DNAJC5: variants seen among roughly 807,000 people sequenced by gnomAD.
DNAJC5 encodes DnaJ heat shock protein family (Hsp40) member C5.
Under a neutral mutation model 23.2 loss-of-function variants are expected in DNAJC5, and 1 was observed. The observed-to-expected ratio is 0.04, with a 90% CI of 0.02 to 0.20. The LOEUF is 0.20. Ranked by LOEUF, DNAJC5 falls within the 10% of genes least tolerant of loss-of-function variation. The pLI, the probability that DNAJC5 is intolerant of heterozygous loss-of-function variation, is 1.00. For missense variants in DNAJC5, 180 were observed against 267.0 expected (o/e 0.67, Z 2.27); for synonymous variants, 136 against 120.0 (o/e 1.13, Z -0.87).
intron 1 of DNAJC5, among the ~76,000 whole-genome samples, chr20:63,902,693 T>G (rs1311742736): frequency 6.9e-6 from 1 of 145,270 alleles, no homozygotes; most frequent in East Asian, 2.0e-4. Context: ...TTTTTTTTTT[T>G]GAGACAGAGT....
At chr20:63,925,481 C>T (rs2053605288) in intron 1 of DNAJC5, among the ~76,000 whole-genome samples, 1 of 149,282 alleles carries the variant, frequency 6.7e-6, no homozygotes, top group African/African-American at 2.5e-5. Flanking sequence ...GAGACTCCAC[C>T]TCAAAAATAA....
chr20:63,899,804 A>G (rs1448618206), intron 1 of DNAJC5, among the ~76,000 whole-genome samples: 1 of 149,296 alleles, frequency 6.7e-6, no homozygotes, highest in Non-Finnish European at 1.5e-5. Context: ...GATGGTCTCG[A>G]TCTCCTGACC....
Position 63,934,439 on chromosome 20 carries a change from T to TG in DNAJC5, c.*2876dup, listed in dbSNP as rs2053700656. The stretch of plus-strand genomic sequence containing the variant: ...AGAATGTCCCTTTGGACGCCGCTGC[T>TG]GGGGGCTGCCAGGGGCCCTCTGGGG... On this transcript the variant is annotated 3_prime_UTR_variant, in exon 5 of 5. Coordinates refer to ENST00000360864, the MANE Select transcript of DNAJC5 (RefSeq NM_025219.3). 6.6e-6 allele frequency: 1 copy of TG among 152,284 alleles called. No homozygotes were observed. The highest frequency in any genetic ancestry group is 2.1e-4 in the South Asian group (1 of 4,830). The allele number at this position is 152,284 out of a possible 1,614,324, so 9.4% of individuals were successfully genotyped here. A position where few individuals can be genotyped will look rare whatever the true frequency, so the allele number is the denominator to read the frequency against.
intron 1 of DNAJC5, among the ~76,000 whole-genome samples, chr20:63,898,022 T>G (rs2053385892): frequency 6.6e-6 from 1 of 152,206 alleles, no homozygotes; most frequent in Non-Finnish European, 1.5e-5. Context: ...CCACTGAGCC[T>G]GGTTGTACAG....
rs1355753536 is a variant in DNAJC5, at chr20:63,895,165, G to GCCGCTGCCGGTGCCGCAC, written c.-165_-148dup. On this transcript the variant is annotated 5_prime_UTR_variant, in exon 1 of 5. Transcript: ENST00000360864. ...GCTCGTCTCCGCTGCCGCTGCCGCT[G>GCCGCTGCCGGTGCCGCAC]CCGCTGCCGGTGCCGCACCCGCGCC... 2.6e-5 allele frequency: 4 copies of GCCGCTGCCGGTGCCGCAC among 154,166 alleles called. No individual in the cohort carries two copies. Among genetic ancestry groups the GCCGCTGCCGGTGCCGCAC allele is most frequent in the Admixed American group, 1.3e-4 (2 of 15,170 alleles). The allele number at this position is 154,166 out of a possible 1,614,324, so 9.5% of individuals were successfully genotyped here. A position where few individuals can be genotyped will look rare whatever the true frequency, so the allele number is the denominator to read the frequency against.
At chr20:63,922,589 T>C (rs1371997480) in intron 1 of DNAJC5, among the ~76,000 whole-genome samples, 1 of 151,436 alleles carries the variant, frequency 6.6e-6, no homozygotes, top group Non-Finnish European at 1.5e-5. Flanking sequence ...CTGAGCAACA[T>C]AGACCCCGTC....
rs1460731523 is a variant in DNAJC5 at position 63,920,672 on chromosome 20, A to T, written c.-11-7663A>T. On this transcript the variant is annotated intron_variant, in intron 1 of 4. Coordinates refer to ENST00000360864, the MANE Select transcript of DNAJC5 (RefSeq NM_025219.3). This position sits in a 1 kb window ranked among gnomAD's most constrained non-coding sequence, Gnocchi z 4.6. Reference sequence around the variant, plus strand: ...CCTTTTTGTTTGCTTTTAATTTTTAATTTTTATTTATTTATTTATTTTTGA... The same window carrying T: ...CCTTTTTGTTTGCTTTTAATTTTTATTTTTTATTTATTTATTTATTTTTGA... Among the ~76,000 whole-genome samples, 1 of 152,078 alleles carries T rather than the reference A, an allele frequency of 6.6e-6. No individual in the cohort carries two copies. Among genetic ancestry groups the T allele is most frequent in the Non-Finnish European group, 1.5e-5 (1 of 68,006 alleles).
At chr20:63,918,701 T>C (rs1246431828) in intron 1 of DNAJC5, among the ~76,000 whole-genome samples, 1 of 152,208 alleles carries the variant, frequency 6.6e-6, no homozygotes, top group Middle Eastern at 3.2e-3. Context: ...GTTTACACCA[T>C]TCTCCGCCTC....
In DNAJC5 at chr20:63,931,788, CCT is replaced by C; in HGVS notation, c.*221_*222del. 1 of 604,498 alleles carries C rather than the reference CCT, an allele frequency of 1.7e-6. No homozygotes were observed. Among genetic ancestry groups the C allele is most frequent in the Non-Finnish European group, 3.0e-6 (1 of 336,504 alleles). 37.4% of individuals were successfully genotyped at this position (604,498 alleles called of 1,614,324 possible). ...GTAGCTACGGTCTTCTGTTTTTTTCCCTTTTTTAATAGCATGTATGGGGTTCT... is the reference window on the plus strand; with the variant it reads ...GTAGCTACGGTCTTCTGTTTTTTTCCTTTTTAATAGCATGTATGGGGTTCT... On this transcript the variant is annotated 3_prime_UTR_variant, in exon 5 of 5. Coordinates refer to ENST00000360864, the MANE Select transcript of DNAJC5 (RefSeq NM_025219.3). This position sits in a 1 kb window ranked among gnomAD's most constrained non-coding sequence, Gnocchi z 9.6.
At chr20:63,918,827 C>G (rs897516827) in intron 1 of DNAJC5, among the ~76,000 whole-genome samples, 1 of 152,228 alleles carries the variant, frequency 6.6e-6, no homozygotes, top group East Asian at 1.9e-4. Context: ...ATCTCCTGAC[C>G]TTGTGACCCG....
intron 1 of DNAJC5, among the ~76,000 whole-genome samples, chr20:63,906,035 G>C (rs1319830669): frequency 6.6e-6 from 1 of 151,840 alleles, no homozygotes; most frequent in East Asian, 1.9e-4. Context: ...CCCGGCCCAG[G>C]ATTTTTTTTT....
chr20:63,901,463 G>A (rs2053411557), intron 1 of DNAJC5, among the ~76,000 whole-genome samples: 1 of 152,232 alleles, frequency 6.6e-6, no homozygotes, highest in African/African-American at 2.4e-5. Flanking sequence ...TAGTGAAACT[G>A]CAGAACGAAA....
chr20:63,916,071 T>G (rs1230867023), intron 1 of DNAJC5, among the ~76,000 whole-genome samples: 1 of 152,152 alleles, frequency 6.6e-6, no homozygotes, highest in Admixed American at 6.6e-5. Context: ...GTAGCTGGGA[T>G]TACAGGCGTG....
In DNAJC5 at chr20:63,929,510, C is replaced by G. The variant is rs770247745; in HGVS notation, c.306C>G (p.Ser102=). The change falls in exon 3 of 5, where the codon TCC becomes TCG. Residue 102 remains serine, a synonymous_variant. Transcript: ENST00000360864. The surrounding 1 kb of genome is among the most constrained non-coding windows in gnomAD (Gnocchi z 8.6). ...EENVNTYFVL[S]SWWAKALFVF... ...ACGTGAACACCTACTTCGTGCTGTC[C>G]AGCTGGTGGGCCAAGGTGAGGGCGA... 2 of 1,613,976 alleles carry G rather than the reference C, an allele frequency of 1.2e-6. No individual in the cohort carries two copies. The highest frequency in any genetic ancestry group is 2.2e-5 in the South Asian group (2 of 91,086).
intron 1 of DNAJC5, among the ~76,000 whole-genome samples, chr20:63,911,534 T>G (rs2053482760): frequency 6.6e-6 from 1 of 152,186 alleles, no homozygotes; most frequent in Non-Finnish European, 1.5e-5. Flanking sequence ...GGATGCTTGG[T>G]GATGGTCGTG....
rs775067598 is a variant in DNAJC5 at position 63,930,880 on chromosome 20, G to T, written c.351G>T (p.Thr117=). ...TGTTTGTCTTCTGCGGCCTCCTCAC[G>T]TGCTGCTACTGCTGCTGCTGTCTGT... ...KALFVFCGLL[T]CCYCCCCLCC... The change falls in exon 4 of 5, where the codon ACG becomes ACT. Residue 117 remains threonine, a synonymous_variant. Coordinates refer to ENST00000360864, the MANE Select transcript of DNAJC5 (RefSeq NM_025219.3). The T allele has an allele frequency of 2.5e-6, 4 of 1,613,624 alleles. No individual in the cohort carries two copies. In the East Asian group the frequency reaches 6.7e-5, roughly 27 times the overall value.
intron 1 of DNAJC5, among the ~76,000 whole-genome samples, chr20:63,914,459 C>T (rs535025587): frequency 4.9e-4 from 74 of 152,044 alleles, no homozygotes; most frequent in Non-Finnish European, 8.4e-4. Context: ...GGACTACAGG[C>T]GCCTACCACC....
chr20:63,901,916 G>T (rs1001755113), intron 1 of DNAJC5, among the ~76,000 whole-genome samples: 1 of 152,112 alleles, frequency 6.6e-6, no homozygotes. Context: ...CTTTGCTTGC[G>T]GGGCCTTTTA....
At position 63,920,500 on chromosome 20, in the gene DNAJC5, C is replaced by T. The variant is rs550771466; in HGVS notation, c.-11-7835C>T. On this transcript the variant is annotated intron_variant, in intron 1 of 4. Coordinates refer to ENST00000360864, the MANE Select transcript of DNAJC5 (RefSeq NM_025219.3). The surrounding 1 kb of genome is among the most constrained non-coding windows in gnomAD (Gnocchi z 4.6). ...CGAGGTCATAGAGTGGCTGCCCTGGCGTAGGGAGGGAGGACACGGGTCCCC... is the reference window on the plus strand; with the variant it reads ...CGAGGTCATAGAGTGGCTGCCCTGGTGTAGGGAGGGAGGACACGGGTCCCC... 1.8e-3 allele frequency among the ~76,000 whole-genome samples: 271 copies of T among 152,218 alleles called. No individual in the cohort carries two copies. The highest frequency in any genetic ancestry group is 2.9e-3 in the Non-Finnish European group (200 of 67,994).
Sources: gnomAD v4.1 joint callset for allele counts (sites outside exome capture counted in the v4.1 genomes callset) on GRCh38, gnomAD v4.1.1 for gene constraint, Gnocchi (gnomAD v3.1) non-coding constraint, MANE v1.5 for transcripts, NCBI Gene and HGNC (gene_info 2026-07-23, HGNC 2026-07-21) for gene names.